Variants in AGFG1 observed in about 807,000 individuals in gnomAD.
AGFG1 encodes the protein arf-GAP domain and FG repeat-containing protein 1.
Under a neutral mutation model 60.6 loss-of-function variants are expected in AGFG1, and 10 were observed. The ratio of observed to expected loss-of-function variants is 0.16; its 90% confidence interval spans 0.10 to 0.28. AGFG1 has a LOEUF of 0.28. AGFG1 is among the 10% of genes least tolerant of loss of function. The pLI, the probability that AGFG1 is intolerant of heterozygous loss-of-function variation, is 1.00. For synonymous variants in AGFG1, 247 were observed against 242.9 expected (o/e 1.02, Z -0.16); for missense variants, 537 against 676.5 (o/e 0.79, Z 2.29).
At position 227,476,182 on chromosome 2, in the gene AGFG1, G is replaced by A. The variant is rs538378447; in HGVS notation, c.167+3594G>A. Among the ~76,000 whole-genome samples the A allele has an allele frequency of 1.3e-4, 20 of 152,150 alleles. No homozygotes were observed. In the South Asian group the frequency reaches 3.9e-3, roughly 30 times the overall value. On this transcript the variant is annotated intron_variant, in intron 1 of 12. Coordinates refer to ENST00000310078, the MANE Select transcript of AGFG1 (RefSeq NM_004504.5). Reference sequence around the variant, plus strand: ...AGAGTTAGATGCAGTTAAACTATTTGTTACTGAGGCAGAATGATGAAGGCA... The same window carrying A: ...AGAGTTAGATGCAGTTAAACTATTTATTACTGAGGCAGAATGATGAAGGCA...
chr2:227,526,354 C>T (rs1237585131), intron 5 of AGFG1, among the ~76,000 whole-genome samples: 4 of 150,052 alleles, frequency 2.7e-5, no homozygotes, highest in African/African-American at 7.4e-5. Flanking sequence ...CCACAGCACC[C>T]GAAATTATAT....
chr2:227,514,626 A>T (rs999843687), intron 2 of AGFG1, among the ~76,000 whole-genome samples: 1 of 152,220 alleles, frequency 6.6e-6, no homozygotes, highest in African/African-American at 2.4e-5. Flanking sequence ...AACTTGCTCA[A>T]GTCAAATAGC....
chr2:227,520,086 G>T, intron 3 of AGFG1, 23 bp downstream of exon 3: 1 of 1,398,694 alleles, frequency 7.1e-7, no homozygotes, highest in Non-Finnish European at 9.9e-7. Flanking sequence ...TTTGTATGTA[G>T]AATAAAGCCT....
At position 227,555,404 on chromosome 2, in the gene AGFG1, G is replaced by A. The variant is rs761687026; in HGVS notation, c.*909G>A. 13 of 152,528 alleles carry A rather than the reference G, an allele frequency of 8.5e-5. No individual in the cohort carries two copies. The highest frequency in any genetic ancestry group is 1.3e-4 in the Admixed American group (2 of 15,282). The allele number at this position is 152,528 out of a possible 1,614,324, so 9.4% of individuals were successfully genotyped here. The stretch of plus-strand genomic sequence containing the variant: ...ATATATGAAGAATTTGCATGTATGT[G>A]TATTTACAAATTTTTCTAAGTATCT... On this transcript the variant is annotated 3_prime_UTR_variant, in exon 13 of 13. Coordinates refer to ENST00000310078, the MANE Select transcript of AGFG1 (RefSeq NM_004504.5).
At chr2:227,492,909 CTT>C (rs1394700584) in intron 2 of AGFG1, among the ~76,000 whole-genome samples, 1 of 152,034 alleles carries the variant, frequency 6.6e-6, no homozygotes, top group Non-Finnish European at 1.5e-5. Flanking sequence ...GTAGGATTAA[CTT>C]AACATTGCAC....
intron 2 of AGFG1, among the ~76,000 whole-genome samples, chr2:227,493,509 A>ATAGC (rs567609953): frequency 2.0e-5 from 3 of 152,338 alleles, no homozygotes; most frequent in African/African-American, 7.2e-5. Context: ...TTTTAAGGCT[A>ATAGC]TAGCATTATG....
chr2:227,532,069 C>G, intron 6 of AGFG1: 1 of 1,292,204 alleles, frequency 7.7e-7, no homozygotes. Context: ...GTCTTAAAGC[C>G]TTTTCTTTCA....
Position 227,554,426 on chromosome 2 carries a change from T to C in AGFG1, c.1630-10T>C. The C allele has an allele frequency of 6.2e-7, 1 of 1,608,676 alleles. No homozygotes were observed. The highest frequency in any genetic ancestry group is 8.5e-7 in the Non-Finnish European group (1 of 1,177,568). ...GTCTCTTTATTTATTTGTCTTATGT[T>C]TTCCTTTAGACTGGTGCACCAACAG... On this transcript the variant is annotated splice_polypyrimidine_tract_variant and intron_variant, in intron 12 of 12. Coordinates refer to ENST00000310078, the MANE Select transcript of AGFG1 (RefSeq NM_004504.5).
At chr2:227,479,985 A>G (rs1167737881) in intron 1 of AGFG1, among the ~76,000 whole-genome samples, 2 of 152,238 alleles carry the variant, frequency 1.3e-5, no homozygotes, top group South Asian at 2.1e-4. Flanking sequence ...CTAAGATAGC[A>G]ATCTTTTTGA....
At chr2:227,518,054 C>A (rs1221925187) in intron 2 of AGFG1, among the ~76,000 whole-genome samples, 1 of 152,148 alleles carries the variant, frequency 6.6e-6, no homozygotes, top group Non-Finnish European at 1.5e-5. Context: ...TGGAAATATG[C>A]AGTATATACG....
At position 227,553,313 on chromosome 2, in the gene AGFG1, T is replaced by C. The variant is rs143009158; in HGVS notation, c.1538-391T>C. ...AGGAGATTGAGACCAGCCTGGGCAA[T>C]GTAGTGAAACCCTGTCTACAAAAAA... On this transcript the variant is annotated intron_variant, in intron 11 of 12. Coordinates refer to ENST00000310078, the MANE Select transcript of AGFG1 (RefSeq NM_004504.5). 3.9e-3 allele frequency among the ~76,000 whole-genome samples: 593 copies of C among 152,032 alleles called. 1 individual carries two copies. Among genetic ancestry groups the C allele is most frequent in the Non-Finnish European group, 6.7e-3 (458 of 67,964 alleles).
At chr2:227,506,445 A>T (rs969061276) in intron 2 of AGFG1, among the ~76,000 whole-genome samples, 3 of 150,484 alleles carry the variant, frequency 2.0e-5, no homozygotes, top group Non-Finnish European at 2.9e-5. Context: ...CTCACTTTCC[A>T]GTTGCTATGG....
intron 2 of AGFG1, among the ~76,000 whole-genome samples, chr2:227,492,555 C>T (rs974275781): frequency 2.0e-5 from 3 of 152,026 alleles, no homozygotes; most frequent in Non-Finnish European, 4.4e-5. Context: ...TTACACTCTG[C>T]CTTTCTTCCT....
At chr2:227,510,207 G>A (rs534571734) in intron 2 of AGFG1, among the ~76,000 whole-genome samples, 1 of 152,126 alleles carries the variant, frequency 6.6e-6, no homozygotes, top group South Asian at 2.1e-4. Flanking sequence ...AAGAAGAGAA[G>A]GCTTATTGCC....
chr2:227,517,326 C>T (rs1386870027), intron 2 of AGFG1, among the ~76,000 whole-genome samples: 2 of 152,126 alleles, frequency 1.3e-5, no homozygotes, highest in East Asian at 1.9e-4. Flanking sequence ...AGTGCAGTGG[C>T]GCAATCTCGG....
intron 5 of AGFG1, among the ~76,000 whole-genome samples, chr2:227,527,480 C>T (rs1221067296): frequency 6.6e-6 from 1 of 152,164 alleles, no homozygotes; most frequent in African/African-American, 2.4e-5. Flanking sequence ...AGTTAAGATT[C>T]CACAAATGGT....
At chr2:227,522,915 C>CTG (rs534808453) in intron 3 of AGFG1, among the ~76,000 whole-genome samples, 95 of 152,306 alleles carry the variant, frequency 6.2e-4, no homozygotes, top group African/African-American at 2.2e-3. Flanking sequence ...TCTGAAAGAC[C>CTG]TGTGAAGTTT....
At position 227,558,658 on chromosome 2, in the gene AGFG1, T is replaced by G. The variant is rs1023879126; in HGVS notation, c.*4163T>G. On this transcript the variant is annotated 3_prime_UTR_variant, in exon 13 of 13. Coordinates refer to ENST00000310078, the MANE Select transcript of AGFG1 (RefSeq NM_004504.5). ...AGTGACATTAAACTTTTCACGTGGT[T>G]GTTTGTGAACAGATGAATATATAAC... The G allele has an allele frequency of 6.6e-6, 1 of 152,242 alleles. No individual in the cohort carries two copies. Among genetic ancestry groups the G allele is most frequent in the African/African-American group, 2.4e-5 (1 of 41,466 alleles). 9.4% of individuals were successfully genotyped at this position (152,242 alleles called of 1,614,324 possible).
intron 10 of AGFG1, among the ~76,000 whole-genome samples, chr2:227,537,967 C>T (rs1360849524): frequency 6.6e-6 from 1 of 152,102 alleles, no homozygotes; most frequent in Non-Finnish European, 1.5e-5. Flanking sequence ...TAAATGTCTT[C>T]ACTTATACTC....
Sources: gnomAD v4.1 joint callset for allele counts (sites outside exome capture counted in the v4.1 genomes callset) on GRCh38, gnomAD v4.1.1 for gene constraint, MANE v1.5 for transcripts, NCBI Gene and HGNC (gene_info 2026-07-23, HGNC 2026-07-21) for gene names.